Variants in CELSR1 observed in about 807,000 individuals in gnomAD.
CELSR1 encodes adhesion G protein-coupled receptor C1.
A neutral mutation model predicts 249.1 loss-of-function variants in CELSR1; 110 were observed. The ratio of observed to expected loss-of-function variants is 0.44; its 90% CI spans 0.38 to 0.52. The LOEUF is 0.52. Among genes scored for constraint, CELSR1 ranks in the 20% least tolerant of loss-of-function variants. The probability of loss-of-function intolerance (pLI) is 0.00; values close to 1 mark genes in which losing one functional copy is unlikely to be tolerated. For missense variants in CELSR1, 4,109 were observed against 4,296.4 expected, an observed-to-expected ratio of 0.96 and a Z score of 1.22; for synonymous variants, 2,113 against 1,900.0, an observed-to-expected ratio of 1.11 and a Z score of -2.92.
At position 46,535,561 on chromosome 22, in the gene CELSR1, T is replaced by C; in HGVS notation, c.1610A>G (p.Gln537Arg). Residue 537 changes from glutamine to arginine, a missense_variant, in exon 1 of 35, where the codon CAG becomes CGG. By Grantham distance (43) the Gln-to-Arg change is conservative. Around this residue, in one of 7 missense-constraint regions of CELSR1, gnomAD observed 135 missense variants for 190.0 expected, o/e 0.71. Coordinates refer to ENST00000674500, the MANE Select transcript of CELSR1 (RefSeq NM_001378328.1). ...GATGAGCGGGGGCCGGCCCCCATCC[T>C]GGGCCTTAATGCTCAGCGAGTATTT... is the stretch of plus-strand genomic sequence containing the variant. ...VQKYSLSIKA[Q>R]DGGRPPLINS... The C allele has an allele frequency of 6.2e-7, 1 of 1,613,366 alleles. No homozygotes were observed. The highest frequency in any genetic ancestry group is 8.5e-7 in the Non-Finnish European group (1 of 1,180,014).
Position 46,409,927 on chromosome 22 carries a change from C to A in CELSR1, c.4934-47G>T, listed in dbSNP as rs574687030. 1.2e-6 allele frequency: 2 copies of A among 1,602,926 alleles called. No homozygotes were observed. Among genetic ancestry groups the A allele is most frequent in the Non-Finnish European group, 8.5e-7 (1 of 1,178,532 alleles). ...CAGAGCCTGACTCGGAGGAACCGCC[C>A]GGGGTCCCCGGCGCCAGACGTGGCG... On this transcript the variant is annotated intron_variant, in intron 7 of 34. Coordinates refer to ENST00000674500, the MANE Select transcript of CELSR1 (RefSeq NM_001378328.1). This position sits in a 1 kb window ranked among gnomAD's most constrained non-coding sequence, Gnocchi z 9.8.
intron 1 of CELSR1, among the ~76,000 whole-genome samples, chr22:46,467,877 G>A (rs141843937): frequency 2.6e-5 from 4 of 152,174 alleles, no homozygotes; most frequent in East Asian, 1.9e-4. Context: ...TACAAAGGAT[G>A]TAAAAGGATG....
chr22:46,485,806 C>T lies in CELSR1; in HGVS notation c.3545-21461G>A, dbSNP rs555505191. On this transcript the variant is annotated intron_variant, in intron 1 of 34. Transcript: ENST00000674500. The stretch of plus-strand genomic sequence containing the variant: ...AGACCCCGCAGAGGGAGAAACAGAA[C>T]CCTGTTCTGCAAACGTGAACCCGTT... 2.3e-3 allele frequency among the ~76,000 whole-genome samples: 352 copies of T among 152,290 alleles called. 2 individuals are homozygous for T. The highest frequency in any genetic ancestry group is 2.0e-3 in the Non-Finnish European group (135 of 68,026).
intron 5 of CELSR1, among the ~76,000 whole-genome samples, chr22:46,414,715 G>A (rs903028495): frequency 9.2e-5 from 14 of 152,238 alleles, no homozygotes; most frequent in African/African-American, 2.4e-4. Context: ...GACCTGAGAC[G>A]CACAGACGGG....
intron 2 of CELSR1, among the ~76,000 whole-genome samples, chr22:46,461,798 C>T (rs2080031087): frequency 6.6e-6 from 1 of 152,346 alleles, no homozygotes; most frequent in East Asian, 1.9e-4. Flanking sequence ...GCTTCTTCAT[C>T]TGAAGCAGGG....
intron 1 of CELSR1, among the ~76,000 whole-genome samples, chr22:46,498,991 C>G (rs564483642): frequency 2.0e-5 from 3 of 151,878 alleles, no homozygotes; most frequent in African/African-American, 7.2e-5. Flanking sequence ...ACCAGCCTGG[C>G]CAACATGGTG....
intron 1 of CELSR1, among the ~76,000 whole-genome samples, chr22:46,494,928 A>G (rs1320637183): frequency 2.6e-5 from 4 of 152,350 alleles, no homozygotes; most frequent in Admixed American, 1.3e-4. Context: ...TATTGCCAGC[A>G]CACAGAAACA....
intron 19 of CELSR1, among the ~76,000 whole-genome samples, chr22:46,386,031 G>A (rs1280990731): frequency 5.4e-5 from 8 of 148,602 alleles, no homozygotes; most frequent in Admixed American, 2.7e-4. Flanking sequence ...GTGCAATGGC[G>A]CAATCTCAGC....
At chr22:46,485,295 T>A (rs1048781179) in intron 1 of CELSR1, among the ~76,000 whole-genome samples, 1 of 152,190 alleles carries the variant, frequency 6.6e-6, no homozygotes, top group Non-Finnish European at 1.5e-5. Flanking sequence ...CACCTCACAT[T>A]GGGTTCTGCT....
chr22:46,383,053 A>C (rs2078996536), intron 20 of CELSR1, among the ~76,000 whole-genome samples: 1 of 152,114 alleles, frequency 6.6e-6, no homozygotes, highest in African/African-American at 2.4e-5. Flanking sequence ...GCCTGGTCGG[A>C]GGTGTCTGGG....
chr22:46,498,959 T>C (rs1169491844), intron 1 of CELSR1, among the ~76,000 whole-genome samples: 2 of 151,862 alleles, frequency 1.3e-5, no homozygotes, highest in East Asian at 1.9e-4. Context: ...GCAGGTGGAC[T>C]ACCTGAGGTC....
intron 23 of CELSR1, 99 bp from the exon 24 acceptor site, chr22:46,377,360 C>T (rs926190558): frequency 1.3e-5 from 17 of 1,312,708 alleles, no homozygotes; most frequent in Middle Eastern, 2.2e-4. Context: ...GCTTATGAAA[C>T]GATCAAGGCT....
At position 46,406,515 on chromosome 22, in the gene CELSR1, C is replaced by T. The variant is rs2079267481; in HGVS notation, c.5226+2481G>A. Among the ~76,000 whole-genome samples the T allele has an allele frequency of 6.6e-6, 1 of 152,216 alleles. No individual in the cohort carries two copies. The highest frequency in any genetic ancestry group is 2.4e-5 in the African/African-American group (1 of 41,458). On this transcript the variant is annotated intron_variant, in intron 9 of 34. Transcript: ENST00000674500. The surrounding 1 kb of genome is among the most constrained non-coding windows in gnomAD (Gnocchi z 5.4). ...GATCTGCTGAGGGACTGACCTCCACCAGCCTGCTGGGAGCACTCTCGGTCC... is the reference window on the plus strand; with the variant it reads ...GATCTGCTGAGGGACTGACCTCCACTAGCCTGCTGGGAGCACTCTCGGTCC...
intron 2 of CELSR1, among the ~76,000 whole-genome samples, chr22:46,458,948 A>G (rs75240187): frequency 0.12 from 17,654 of 152,094 alleles, 1,365 homozygotes; most frequent in Admixed American, 0.27. Context: ...GCTGGAGTGC[A>G]CTGGCATGAT....
At chr22:46,372,785 G>A in intron 25 of CELSR1, 98 bp downstream of exon 25, 2 of 1,432,206 alleles carry the variant, frequency 1.4e-6, no homozygotes, top group Non-Finnish European at 1.9e-6. Flanking sequence ...ACAAGCATTG[G>A]GGCTGGGCAG....
Position 46,471,025 on chromosome 22 carries a change from T to C in CELSR1, c.3545-6680A>G, listed in dbSNP as rs1033737935. Among the ~76,000 whole-genome samples, 1 of 152,034 alleles carries C rather than the reference T, an allele frequency of 6.6e-6. No individual in the cohort carries two copies. The highest frequency in any genetic ancestry group is 1.5e-5 in the Non-Finnish European group (1 of 68,020). ...CTGTAATCCTAGCTACTTGGGAGAC[T>C]GAGGCAGGAGAATCGCTTGAACCTG... On this transcript the variant is annotated intron_variant, in intron 1 of 34. Coordinates refer to ENST00000674500, the MANE Select transcript of CELSR1 (RefSeq NM_001378328.1). This position sits in a 1 kb window ranked among gnomAD's most constrained non-coding sequence, Gnocchi z 4.9.
intron 18 of CELSR1, 113 bp downstream of exon 18, chr22:46,389,177 G>T: frequency 8.4e-7 from 1 of 1,185,098 alleles, no homozygotes; most frequent in Non-Finnish European, 1.2e-6. Flanking sequence ...TGGGGATCCT[G>T]GACACAACCG....
Position 46,372,887 on chromosome 22 carries a change from G to A in CELSR1, c.7755C>T (p.Val2585=). Residue 2585 remains valine, a synonymous_variant, in exon 25 of 35, where the codon GTC becomes GTT. Transcript: ENST00000674500. ...YVVGWGIPAI[V]TGLAVGLDPQ... is the part of the protein sequence containing the mutation. ...GGCCACTCTGTGCATCCTCACCTGT[G>A]ACAATGGCCGGGATGCCCCAGCCCA... 6.2e-7 allele frequency: 1 copy of A among 1,605,196 alleles called. No individual in the cohort carries two copies.
rs2147473210 is a variant in CELSR1, at chr22:46,440,108, C to G, written c.4184-697G>C. 6.6e-6 allele frequency among the ~76,000 whole-genome samples: 1 copy of G among 152,258 alleles called. No individual in the cohort carries two copies. Among genetic ancestry groups the G allele is most frequent in the East Asian group, 1.9e-4 (1 of 5,168 alleles). The stretch of plus-strand genomic sequence containing the variant: ...GACAGGAAGGTTCTGGAAGCTTTCC[C>G]AGAAAACCAGCCAGGCAGCCCACAG... On this transcript the variant is annotated intron_variant, in intron 2 of 34. Transcript: ENST00000674500. This position sits in a 1 kb window ranked among gnomAD's most constrained non-coding sequence, Gnocchi z 4.7.
Sources: gnomAD v4.1 joint callset for allele counts (sites outside exome capture counted in the v4.1 genomes callset) on GRCh38, gnomAD v4.1.1 for gene constraint, gnomAD v4.1.1 regional missense constraint, Gnocchi (gnomAD v3.1) non-coding constraint, MANE v1.5 for transcripts, NCBI Gene and HGNC (gene_info 2026-07-23, HGNC 2026-07-21) for gene names.